Variants in ZMAT4 observed in about 807,000 individuals in gnomAD.
The protein encoded by ZMAT4 is zinc finger matrin-type 4, also known as zinc finger matrin-type protein 4.
Under a neutral mutation model 28.7 loss-of-function variants are expected in ZMAT4, and 17 were observed. The observed-to-expected ratio is 0.59, with a 90% confidence interval of 0.41 to 0.89. The LOEUF (loss-of-function observed/expected upper bound fraction) is 0.89, where lower values mean the gene tolerates loss of function less well. Among genes scored for constraint, ZMAT4 ranks in the 40% least tolerant of loss-of-function variants. The pLI is 0.00. For missense variants in ZMAT4, 240 were observed against 283.8 expected (o/e 0.85, Z 1.11); for synonymous variants, 117 against 109.2 (o/e 1.07, Z -0.44).
chr8:40,560,886 T>C (rs1251640057), intron 6 of ZMAT4, among the ~76,000 whole-genome samples: 2 of 152,162 alleles, frequency 1.3e-5, no homozygotes, highest in African/African-American at 2.4e-5. Flanking sequence ...CCTAACCTTT[T>C]CCTCTGTTCT....
chr8:40,713,440 G>A (rs1201384858), intron 3 of ZMAT4, among the ~76,000 whole-genome samples: 2 of 150,830 alleles, frequency 1.3e-5, no homozygotes, highest in Non-Finnish European at 1.5e-5. Flanking sequence ...GTAAGGTAAT[G>A]GTAGAAAAAA....
chr8:40,714,581 G>T (rs1052242897), intron 3 of ZMAT4, among the ~76,000 whole-genome samples: 5 of 152,038 alleles, frequency 3.3e-5, no homozygotes, highest in African/African-American at 1.2e-4. Context: ...CCTCCACCAG[G>T]CACTGTCCTG....
chr8:40,646,525 G>C (rs1400415066), intron 5 of ZMAT4, among the ~76,000 whole-genome samples: 3 of 151,904 alleles, frequency 2.0e-5, no homozygotes, highest in African/African-American at 7.2e-5. Flanking sequence ...ATAGTTGACA[G>C]TGTAATTTAT....
At chr8:40,662,445 T>A (rs748370539) in intron 5 of ZMAT4, among the ~76,000 whole-genome samples, 4 of 152,186 alleles carry the variant, frequency 2.6e-5, no homozygotes, top group Non-Finnish European at 5.9e-5. Context: ...GTTTCTAATT[T>A]CCTGCTTGAG....
At position 40,845,704 on chromosome 8, in the gene ZMAT4, G is replaced by GA. The variant is rs1300356431; in HGVS notation, c.-4-20025_-4-20024insT. 3.0e-5 allele frequency among the ~76,000 whole-genome samples: 4 copies of GA among 135,474 alleles called. No homozygotes were observed. The Admixed American group carries it at 3.2e-4, about 11-fold the overall frequency. The allele number at this position is 135,474 out of a possible 152,430, so 88.9% of individuals were successfully genotyped here. A position where few individuals can be genotyped will look rare whatever the true frequency, so the allele number is the denominator to read the frequency against. On this transcript the variant is annotated intron_variant, in intron 1 of 6. Transcript: ENST00000297737. ...CCTGTGTTTGCTGTCCCAAGGAATT[G>GA]CAAAAAAAAAAAAATTTTTAGAAGC...
intron 2 of ZMAT4, among the ~76,000 whole-genome samples, chr8:40,804,099 C>G (rs902672644): frequency 1.3e-5 from 2 of 152,156 alleles, no homozygotes; most frequent in African/African-American, 2.4e-5. Flanking sequence ...GATGAACAGA[C>G]AGAACACAAT....
chr8:40,578,267 C>G (rs1027003515), intron 6 of ZMAT4, among the ~76,000 whole-genome samples: 1 of 152,050 alleles, frequency 6.6e-6, no homozygotes, highest in African/African-American at 2.4e-5. Flanking sequence ...CTATGATGGT[C>G]TTTTCAGTAA....
chr8:40,860,921 A>G (rs1298349329), intron 1 of ZMAT4, among the ~76,000 whole-genome samples: 1 of 152,120 alleles, frequency 6.6e-6, no homozygotes, highest in Non-Finnish European at 1.5e-5. Context: ...AGGCCAAGAA[A>G]AGCTTCCCAG....
At chr8:40,558,723 T>C (rs577322732) in intron 6 of ZMAT4, among the ~76,000 whole-genome samples, 1 of 152,140 alleles carries the variant, frequency 6.6e-6, no homozygotes, top group Admixed American at 6.5e-5. Flanking sequence ...ATGTGAGAAC[T>C]AAAAATAAAA....
chr8:40,698,963 C>T (rs1047874596), intron 3 of ZMAT4, among the ~76,000 whole-genome samples: 2 of 151,970 alleles, frequency 1.3e-5, no homozygotes, highest in Admixed American at 6.6e-5. Context: ...GCAATACTCT[C>T]GCTGAGGGTT....
chr8:40,606,865 T>C (rs942893738), intron 5 of ZMAT4, among the ~76,000 whole-genome samples: 5 of 152,198 alleles, frequency 3.3e-5, no homozygotes, highest in Non-Finnish European at 7.3e-5. Flanking sequence ...TCATCTAACA[T>C]AATCCCAGAC....
intron 1 of ZMAT4, among the ~76,000 whole-genome samples, chr8:40,838,343 T>C (rs936856214): frequency 3.3e-5 from 5 of 151,992 alleles, no homozygotes; most frequent in African/African-American, 1.2e-4. Context: ...CCCTCTTTTG[T>C]TTATTTTTTT....
At chr8:40,578,164 T>A (rs1373205375) in intron 6 of ZMAT4, among the ~76,000 whole-genome samples, 1 of 152,008 alleles carries the variant, frequency 6.6e-6, no homozygotes, top group Admixed American at 6.6e-5. Context: ...AATGTGACAT[T>A]AGCATAAAAA....
chr8:40,541,072 C>T (rs1183294451), intron 6 of ZMAT4, among the ~76,000 whole-genome samples: 1 of 152,128 alleles, frequency 6.6e-6, no homozygotes, highest in Non-Finnish European at 1.5e-5. Flanking sequence ...AACACACAGA[C>T]CTCACAGGGC....
rs151051941 is a variant in ZMAT4, at chr8:40,578,052, G to A, written c.674+3113C>T. Among the ~76,000 whole-genome samples the A allele has an allele frequency of 1.8e-3, 268 of 152,038 alleles. 3 individuals are homozygous for A. Among genetic ancestry groups the A allele is most frequent in the African/African-American group, 2.2e-3 (91 of 41,514 alleles). On this transcript the variant is annotated intron_variant, in intron 6 of 6. Transcript: ENST00000297737. ...CTGATTTTAAAAATTATAGGGAAAC[G>A]CAAAGAGGAAAGAACAGTGAAGACA...
At chr8:40,757,148 T>C (rs1405091004) in intron 3 of ZMAT4, among the ~76,000 whole-genome samples, 1 of 152,066 alleles carries the variant, frequency 6.6e-6, no homozygotes, top group Non-Finnish European at 1.5e-5. Context: ...TTGTTCATAG[T>C]ATGGAAGCCG....
chr8:40,602,726 G>A (rs1384282264), intron 5 of ZMAT4, among the ~76,000 whole-genome samples: 1 of 151,884 alleles, frequency 6.6e-6, no homozygotes, highest in Non-Finnish European at 1.5e-5. Context: ...GGGATTATTT[G>A]GGGATTTTTG....
At position 40,531,983 on chromosome 8, in the gene ZMAT4, T is replaced by A. The variant is rs1585648691; in HGVS notation, c.*240A>T. The stretch of plus-strand genomic sequence containing the variant: ...TTTAGAACATGTGCTAAATATGTTA[T>A]CAGGAAAGAATTTAAAAATCCATCC... On this transcript the variant is annotated 3_prime_UTR_variant, in exon 7 of 7. Transcript: ENST00000297737. 7 of 373,164 alleles carry A rather than the reference T, an allele frequency of 1.9e-5. No homozygotes were observed. In the East Asian group the frequency reaches 2.7e-4, roughly 14 times the overall value. The allele number at this position is 373,164 out of a possible 1,614,324, so 23.1% of individuals were successfully genotyped here. A position where few individuals can be genotyped will look rare whatever the true frequency, so the allele number is the denominator to read the frequency against.
intron 5 of ZMAT4, among the ~76,000 whole-genome samples, chr8:40,631,919 C>T (rs1050670351): frequency 7.2e-5 from 11 of 152,166 alleles, no homozygotes; most frequent in African/African-American, 2.2e-4. Flanking sequence ...AATACTCAGA[C>T]GAAACCTCTC....
Sources: gnomAD v4.1 joint callset for allele counts (sites outside exome capture counted in the v4.1 genomes callset) on GRCh38, gnomAD v4.1.1 for gene constraint, MANE v1.5 for transcripts, NCBI Gene and HGNC (gene_info 2026-07-23, HGNC 2026-07-21) for gene names.